Variants in CHD1L observed in about 807,000 individuals in gnomAD.
CHD1L encodes the protein ATP-dependent chromatin remodeler CHD1L.
CHD1L carries 118 observed loss-of-function variants against 115.9 expected under a neutral mutation model. That is an observed-to-expected ratio of 1.02 (90% CI 0.88 to 1.19). The LOEUF is 1.19. CHD1L is among the 50% of genes most tolerant of loss of function. The pLI, the probability that CHD1L is intolerant of heterozygous loss-of-function variation, is 0.00. For synonymous variants in CHD1L, 411 were observed against 387.1 expected, an observed-to-expected ratio of 1.06 and a Z score of -0.72; for missense variants, 1,179 against 1,065.3, an observed-to-expected ratio of 1.11 and a Z score of -1.49.
upstream of CHD1L, among the ~76,000 whole-genome samples, chr1:147,239,599 C>T (rs1553930347): frequency 1.3e-5 from 2 of 152,184 alleles, no homozygotes; most frequent in Non-Finnish European, 2.9e-5. Context: ...TCCTTCCTTC[C>T]ATCCTGATCA....
At chr1:147,283,219 C>A (rs1417121460) in intron 15 of CHD1L, among the ~76,000 whole-genome samples, 1 of 151,942 alleles carries the variant, frequency 6.6e-6, no homozygotes, top group Non-Finnish European at 1.5e-5. Flanking sequence ...CATTGAAAGC[C>A]CCCTGCTGAT....
chr1:147,201,073 A>G, the CHD1L span: 1 of 967,920 alleles, frequency 1.0e-6, no homozygotes, highest in Non-Finnish European at 1.6e-6. Context: ...TGCTATCTCT[A>G]GCTATTTAAA....
chr1:147,258,162 T>G (rs1553941648), intron 5 of CHD1L, among the ~76,000 whole-genome samples: 1 of 152,204 alleles, frequency 6.6e-6, no homozygotes, highest in Non-Finnish European at 1.5e-5. Flanking sequence ...TATGAAAAAT[T>G]TGAAATGTTT....
intron 20 of CHD1L, among the ~76,000 whole-genome samples, chr1:147,293,317 T>TC (rs1386550727): frequency 6.6e-6 from 1 of 152,018 alleles, no homozygotes; most frequent in Non-Finnish European, 1.5e-5. Context: ...TCTCTTTTTT[T>TC]TTTTAACCCT....
At chr1:147,278,090 C>G (rs1679230962) in intron 14 of CHD1L, among the ~76,000 whole-genome samples, 1 of 152,100 alleles carries the variant, frequency 6.6e-6, no homozygotes, top group Non-Finnish European at 1.5e-5. Context: ...TACTTTCTGA[C>G]TCTAATGTCT....
At chr1:147,173,363 A>C in the CHD1L span, 1 of 152,270 alleles carries the variant, frequency 6.6e-6, no homozygotes, top group South Asian at 2.1e-4. Context: ...TTTCAGCCCG[A>C]CTGGGGTCGC....
At chr1:147,278,834 G>C (rs1393291625) in intron 14 of CHD1L, among the ~76,000 whole-genome samples, 3 of 152,100 alleles carry the variant, frequency 2.0e-5, no homozygotes, top group Admixed American at 1.3e-4. Flanking sequence ...TCAGATTTAG[G>C]ATTCCAATCC....
chr1:147,213,992 A>G, the CHD1L span, among the ~76,000 whole-genome samples: 2 of 152,168 alleles, frequency 1.3e-5, no homozygotes, highest in African/African-American at 4.8e-5. Flanking sequence ...TGGCTCCCAT[A>G]AATACCCATT....
Position 147,268,778 on chromosome 1 carries a change from C to A in CHD1L, c.989-4C>A. Reference sequence around the variant, plus strand: ...TTACTGGGAGTGGGTTCTTTCTTTTCTAGGTGTGGAGCCGGAGCCTTTTGA... The same window carrying A: ...TTACTGGGAGTGGGTTCTTTCTTTTATAGGTGTGGAGCCGGAGCCTTTTGA... On this transcript the variant is annotated splice_polypyrimidine_tract_variant and splice_region_variant and intron_variant, in intron 9 of 22. Transcript: ENST00000369258. The A allele has an allele frequency of 6.2e-7, 1 of 1,612,230 alleles. No individual in the cohort carries two copies. Among genetic ancestry groups the A allele is most frequent in the Non-Finnish European group, 8.5e-7 (1 of 1,178,854 alleles).
At chr1:147,288,689 C>T (rs1553968117) in intron 19 of CHD1L, among the ~76,000 whole-genome samples, 2 of 151,958 alleles carry the variant, frequency 1.3e-5, no homozygotes, top group African/African-American at 4.8e-5. Context: ...AAGAAAAAGA[C>T]CTATGGGAGA....
intron 19 of CHD1L, among the ~76,000 whole-genome samples, chr1:147,288,008 T>C (rs1559890875): frequency 6.6e-6 from 1 of 152,082 alleles, no homozygotes; most frequent in Non-Finnish European, 1.5e-5. Context: ...TTCTGAAAAA[T>C]GTTGATCCCT....
chr1:147,239,600 A>C (rs587716943), upstream of CHD1L, among the ~76,000 whole-genome samples: 10 of 152,208 alleles, frequency 6.6e-5, no homozygotes, highest in East Asian at 1.9e-3. Flanking sequence ...CCTTCCTTCC[A>C]TCCTGATCAT....
At chr1:147,290,525 T>G (rs945259916) in intron 19 of CHD1L, among the ~76,000 whole-genome samples, 1 of 152,052 alleles carries the variant, frequency 6.6e-6, no homozygotes, top group Non-Finnish European at 1.5e-5. Context: ...AAGTATATTT[T>G]TATGTAAGCT....
chr1:147,201,919 T>C, the CHD1L span, among the ~76,000 whole-genome samples: 1 of 152,246 alleles, frequency 6.6e-6, no homozygotes, highest in Non-Finnish European at 1.5e-5. Flanking sequence ...TTTAGGCCAC[T>C]GTTTTCCAAA....
the CHD1L span, chr1:147,201,366 A>G: frequency 1.2e-6 from 2 of 1,614,190 alleles, no homozygotes; most frequent in Middle Eastern, 3.3e-4. Context: ...TAACAGCATC[A>G]ATGTCATCCT....
the CHD1L span, among the ~76,000 whole-genome samples, chr1:147,187,628 C>G: frequency 3.1e-3 from 477 of 152,264 alleles, 2 homozygotes; most frequent in African/African-American, 0.011. Flanking sequence ...CACAAAAATT[C>G]TCAAGTATGG....
the CHD1L span, among the ~76,000 whole-genome samples, chr1:147,188,736 T>TA: frequency 4.1e-5 from 6 of 148,042 alleles, no homozygotes; most frequent in African/African-American, 1.5e-4. Flanking sequence ...AATAAATAAA[T>TA]AAATAAATAT....
chr1:147,283,326 ACT>A (rs71663972), intron 15 of CHD1L, among the ~76,000 whole-genome samples: 37,069 of 152,006 alleles, frequency 0.24, 4,845 homozygotes, highest in Non-Finnish European at 0.29. Context: ...TTGCTTTCAT[ACT>A]CTCTAGGGAA....
the CHD1L span, chr1:147,215,772 T>C: frequency 1.2e-6 from 2 of 1,607,134 alleles, no homozygotes; most frequent in Admixed American, 3.4e-5. Flanking sequence ...GAATATACTT[T>C]AGAAGGTCAA....
Sources: gnomAD v4.1 joint callset for allele counts (sites outside exome capture counted in the v4.1 genomes callset) on GRCh38, gnomAD v4.1.1 for gene constraint, MANE v1.5 for transcripts, NCBI Gene and HGNC (gene_info 2026-07-23, HGNC 2026-07-21) for gene names.